The following CASP5 variants were observed in gnomAD, a reference collection of about 807,000 sequenced individuals.
CASP5 encodes caspase-5.
A neutral mutation model predicts 45.2 loss-of-function variants in CASP5; 42 were observed. The ratio of observed to expected loss-of-function variants is 0.93; its 90% CI spans 0.73 to 1.20. The LOEUF (loss-of-function observed/expected upper bound fraction) is 1.20. Among genes scored for constraint, CASP5 ranks in the 50% most tolerant of loss-of-function variants. CASP5 has a pLI of 0.00. For synonymous variants in CASP5, 209 were observed against 186.2 expected (o/e 1.12, Z -1.00); for missense variants, 512 against 532.2 (o/e 0.96, Z 0.37).
chr11:104,998,280 A>T (rs1316080446), intron 7 of CASP5, among the ~76,000 whole-genome samples: 1 of 152,162 alleles, frequency 6.6e-6, no homozygotes, highest in African/African-American at 2.4e-5. Context: ...TAAAAATAAG[A>T]CTTGAAAATT....
At chr11:105,001,543 G>A (rs1475564831) in intron 5 of CASP5, among the ~76,000 whole-genome samples, 1 of 152,188 alleles carries the variant, frequency 6.6e-6, no homozygotes, top group Non-Finnish European at 1.5e-5. Context: ...GCACGCTCCT[G>A]TAGCCCCAGC....
chr11:105,005,356 ATGTGTGTGTG>A lies in CASP5; in HGVS notation c.433+1717_433+1726del, dbSNP rs5794366. 2.6e-3 allele frequency among the ~76,000 whole-genome samples: 365 copies of A among 139,328 alleles called. 6 individuals are homozygous for A. The highest frequency in any genetic ancestry group is 8.5e-3 in the African/African-American group (293 of 34,350). The allele number at this position is 139,328 out of a possible 152,430, so 91.4% of individuals were successfully genotyped here. A position where few individuals can be genotyped will look rare whatever the true frequency, so the allele number is the denominator to read the frequency against. On this transcript the variant is annotated intron_variant, in intron 3 of 9. Transcript: ENST00000260315. Reference sequence around the variant, plus strand: ...ATCGGTATATAGTGTGTATATATATATGTGTGTGTGTGTGTGTGTGTGTGTGTGTGTGTGT... The same window carrying A: ...ATCGGTATATAGTGTGTATATATATATGTGTGTGTGTGTGTGTGTGTGTGT...
Position 105,011,045 on chromosome 11 carries a change from G to T in CASP5, c.8-2065C>A, listed in dbSNP as rs1862323510. ...ACAGATAAGATGCTTAAGGAACTCA[G>T]AAAAGATGAGAAAATTCCAGGAGGA... On this transcript the variant is annotated intron_variant, in intron 1 of 9. Coordinates refer to ENST00000260315, the MANE Select transcript of CASP5 (RefSeq NM_004347.5). Among the ~76,000 whole-genome samples the T allele has an allele frequency of 2.0e-5, 3 of 151,788 alleles. No homozygotes were observed. The South Asian group carries it at 6.2e-4, about 31-fold the overall frequency.
At chr11:105,010,255 C>A (rs1462816411) in intron 1 of CASP5, among the ~76,000 whole-genome samples, 1 of 150,872 alleles carries the variant, frequency 6.6e-6, no homozygotes, top group African/African-American at 2.4e-5. Context: ...CAAAAAGTTA[C>A]ATTTAATAAA....
intron 1 of CASP5, among the ~76,000 whole-genome samples, chr11:105,018,342 A>G (rs1438045430): frequency 3.9e-5 from 6 of 152,182 alleles, no homozygotes; most frequent in African/African-American, 1.4e-4. Context: ...AAATGCTCCA[A>G]TTAAAAGACA....
chr11:105,021,970 T>C (rs372563978), intron 1 of CASP5, among the ~76,000 whole-genome samples: 5 of 150,760 alleles, frequency 3.3e-5, no homozygotes, highest in African/African-American at 1.2e-4. Flanking sequence ...CCATGGAATA[T>C]TATGCAGCCA....
intron 1 of CASP5, among the ~76,000 whole-genome samples, chr11:105,015,060 A>T (rs972342844): frequency 1.3e-5 from 2 of 152,190 alleles, no homozygotes; most frequent in Non-Finnish European, 2.9e-5. Context: ...GGGCTTTAGA[A>T]AGTATTGAAG....
At position 104,994,736 on chromosome 11, in the gene CASP5, G is replaced by A. The variant is rs1861379751; in HGVS notation, c.*5-389C>T. Among the ~76,000 whole-genome samples, 2 of 152,248 alleles carry A rather than the reference G, an allele frequency of 1.3e-5. 1 individual carries two copies. Among genetic ancestry groups the A allele is most frequent in the South Asian group, 4.1e-4 (2 of 4,820 alleles). On this transcript the variant is annotated intron_variant, in intron 9 of 9. Transcript: ENST00000260315. The stretch of plus-strand genomic sequence containing the variant: ...TTGTAGTTCTTTTTAAACCTGTTCA[G>A]CATATTTCTGCCCCAGGGCATTTGC...
At chr11:105,007,372 A>G (rs1862062399) in intron 2 of CASP5, 38 bp from the exon 3 acceptor site, 2 of 1,560,432 alleles carry the variant, frequency 1.3e-6, no homozygotes, top group Non-Finnish European at 1.7e-6. Flanking sequence ...CTATGGGCAC[A>G]GCTTAAAGAG....
Position 105,007,119 on chromosome 11 carries a change from G to A in CASP5, c.397C>T (p.Leu133Phe). The A allele has an allele frequency of 1.2e-6, 2 of 1,613,502 alleles. No homozygotes were observed. Among genetic ancestry groups the A allele is most frequent in the African/African-American group, 1.3e-5 (1 of 75,018 alleles). Residue 133 changes from leucine to phenylalanine, a missense_variant, in exon 3 of 10, where the codon CTT becomes TTT. Physicochemically the swap from Leu to Phe is conservative, Grantham distance 22 (BLOSUM62 0). Transcript: ENST00000260315. Reference sequence around the variant, plus strand: ...GTGATCTTTTGGTCCATATTGAGAAGTGTTTGGGTAAACATTTGATGAGCC... The same window carrying A: ...GTGATCTTTTGGTCCATATTGAGAAATGTTTGGGTAAACATTTGATGAGCC... ...RVAHQMFTQT[L>F]LNMDQKITSV...
chr11:104,995,163 C>T (rs1861400585), intron 9 of CASP5: 1 of 152,160 alleles, frequency 6.6e-6, no homozygotes. Flanking sequence ...TTTTCCTTTT[C>T]ACACAATAAA....
chr11:105,013,627 T>A (rs1862455079), intron 1 of CASP5, among the ~76,000 whole-genome samples: 1 of 152,084 alleles, frequency 6.6e-6, no homozygotes, highest in Admixed American at 6.6e-5. Context: ...TAGCATCAAT[T>A]ATAAGTTTAA....
rs889909156 is a variant in CASP5, at chr11:105,009,830, T to C, written c.8-850A>G. Reference sequence around the variant, plus strand: ...ATACACACACATATATATATACACATATATATATACACATATATATACACA... The same window carrying C: ...ATACACACACATATATATATACACACATATATATACACATATATATACACA... On this transcript the variant is annotated intron_variant, in intron 1 of 9. Transcript: ENST00000260315. Among the ~76,000 whole-genome samples the C allele has an allele frequency of 5.0e-4, 24 of 47,572 alleles. 1 individual carries two copies. The highest frequency in any genetic ancestry group is 2.6e-3 in the African/African-American group (16 of 6,258). 31.2% of individuals were successfully genotyped at this position (47,572 alleles called of 152,430 possible). A position where few individuals can be genotyped will look rare whatever the true frequency, so the allele number is the denominator to read the frequency against.
intron 9 of CASP5, among the ~76,000 whole-genome samples, 167 bp from the exon 10 acceptor site, chr11:104,994,514 C>T (rs1034419546): frequency 2.6e-5 from 4 of 152,218 alleles, no homozygotes; most frequent in African/African-American, 9.6e-5. Context: ...TCAGGAATAT[C>T]TTTGTAAAAC....
At chr11:105,007,436 A>G in intron 2 of CASP5, 102 bp from the exon 3 acceptor site, 1 of 1,130,664 alleles carries the variant, frequency 8.8e-7, no homozygotes, top group Non-Finnish European at 1.3e-6. Flanking sequence ...CTAAAAATAC[A>G]TTCTATTTTA....
chr11:105,003,707 A>C (rs1033567070), intron 3 of CASP5, among the ~76,000 whole-genome samples: 1 of 152,072 alleles, frequency 6.6e-6, no homozygotes, highest in Non-Finnish European at 1.5e-5. Flanking sequence ...GTTTTACGCT[A>C]GGGTACTCAT....
chr11:105,006,491 G>A (rs1292863424), intron 3 of CASP5, among the ~76,000 whole-genome samples: 2 of 152,184 alleles, frequency 1.3e-5, no homozygotes, highest in East Asian at 1.9e-4. Context: ...AGTGGAGCAC[G>A]TTTATTCTGG....
chr11:105,000,797 T>A (rs1280960614), intron 5 of CASP5, among the ~76,000 whole-genome samples: 1 of 152,184 alleles, frequency 6.6e-6, no homozygotes. Flanking sequence ...TTTTCTCTCC[T>A]TTCCTAACAA....
chr11:104,999,159 A>G, intron 6 of CASP5, 131 bp from the exon 7 acceptor site: 1 of 706,054 alleles, frequency 1.4e-6, no homozygotes, highest in Non-Finnish European at 2.2e-6. Context: ...TATAGGTTTT[A>G]AGCCCACATG....
Sources: gnomAD v4.1 joint callset for allele counts (sites outside exome capture counted in the v4.1 genomes callset) on GRCh38, gnomAD v4.1.1 for gene constraint, MANE v1.5 for transcripts, NCBI Gene and HGNC (gene_info 2026-07-23, HGNC 2026-07-21) for gene names.